RBPJ: variants seen among roughly 807,000 people sequenced by gnomAD.
RBPJ encodes recombination signal binding protein for immunoglobulin kappa J region.
Under a neutral mutation model 67.8 loss-of-function variants are expected in RBPJ, and 9 were observed. The ratio of observed to expected loss-of-function variants is 0.13; its 90% CI spans 0.08 to 0.23. The LOEUF is 0.23. RBPJ is among the 10% of genes least tolerant of loss of function. RBPJ has a pLI of 1.00. For missense variants in RBPJ, 305 were observed against 595.6 expected, an observed-to-expected ratio of 0.51 and a Z score of 5.08; for synonymous variants, 198 against 203.3, an observed-to-expected ratio of 0.97 and a Z score of 0.22.
At chr4:26,319,184 A>G (rs1284287477), upstream of RBPJ, among the ~76,000 whole-genome samples, 1 of 151,918 alleles carries the variant, frequency 6.6e-6, no homozygotes, top group Non-Finnish European at 1.5e-5. Flanking sequence ...ACGTTTTAGG[A>G]AAGTACCAGG....
chr4:26,222,124 C>T (rs970975293), intron 1 of RBPJ, among the ~76,000 whole-genome samples: 2 of 152,178 alleles, frequency 1.3e-5, no homozygotes, highest in African/African-American at 4.8e-5. Context: ...TATCTCAGGA[C>T]ATGTTGTAAA....
At chr4:26,390,562 C>T (rs145847860) in intron 2 of RBPJ, among the ~76,000 whole-genome samples, 316 of 152,216 alleles carry the variant, frequency 2.1e-3, no homozygotes, top group Non-Finnish European at 3.7e-3. Flanking sequence ...GATTAACATA[C>T]ACAACTAAAT....
the RBPJ span, among the ~76,000 whole-genome samples, chr4:26,136,265 G>A: frequency 6.6e-6 from 1 of 152,172 alleles, no homozygotes; most frequent in Non-Finnish European, 1.5e-5. Context: ...AATCCAGGGA[G>A]CTGAAAGAAT....
Position 26,193,212 on chromosome 4 carries a change from G to T in RBPJ, c.-167+29598G>T, listed in dbSNP as rs74410207. On this transcript the variant is annotated intron_variant, in intron 1 of 4. Coordinates refer to the RBPJ transcript ENST00000512351. The stretch of plus-strand genomic sequence containing the variant: ...GTTCCTTTAAGCCACAGAACTAATG[G>T]GAAGTTATCACAGTAGTAATAGGAA... 2.6e-5 allele frequency among the ~76,000 whole-genome samples: 4 copies of T among 152,312 alleles called. No homozygotes were observed. In the East Asian group the frequency reaches 7.7e-4, roughly 29 times the overall value.
At chr4:26,306,708 C>G (rs1254027635) in intron 1 of RBPJ, among the ~76,000 whole-genome samples, 6 of 151,886 alleles carry the variant, frequency 4.0e-5, no homozygotes, top group African/African-American at 1.2e-4. Flanking sequence ...TTCAGCCTCC[C>G]AAAGTGCTGG....
At chr4:26,119,312 T>C in the RBPJ span, among the ~76,000 whole-genome samples, 1 of 152,222 alleles carries the variant, frequency 6.6e-6, no homozygotes, top group East Asian at 1.9e-4. Context: ...ATCCATTATA[T>C]GCCCAGCTGT....
At chr4:26,155,203 C>T in the RBPJ span, among the ~76,000 whole-genome samples, 10 of 152,160 alleles carry the variant, frequency 6.6e-5, no homozygotes, top group Non-Finnish European at 1.3e-4. Context: ...TACATGAAAT[C>T]ATGAAAGAAA....
At chr4:26,391,432 A>G (rs1367402654) in intron 2 of RBPJ, among the ~76,000 whole-genome samples, 1 of 152,184 alleles carries the variant, frequency 6.6e-6, no homozygotes, top group Non-Finnish European at 1.5e-5. Context: ...ATTGTAGAAC[A>G]ATTGGATATC....
At chr4:26,259,410 A>C (rs1416794757) in intron 1 of RBPJ, among the ~76,000 whole-genome samples, 2 of 152,078 alleles carry the variant, frequency 1.3e-5, no homozygotes, top group Admixed American at 6.5e-5. Flanking sequence ...TGTCACCATG[A>C]CCTTTGCTCT....
chr4:26,323,716 A>C (rs1274111810), intron 1 of RBPJ, among the ~76,000 whole-genome samples: 1 of 152,116 alleles, frequency 6.6e-6, no homozygotes, highest in African/African-American at 2.4e-5. Context: ...GATTTCTATC[A>C]ATGTTTTTTT....
At position 26,210,744 on chromosome 4, in the gene RBPJ, C is replaced by CTTTCTTTCTTTCTTTCT. The variant is rs56940118; in HGVS notation, c.-167+47132_-167+47133insTCTTTCTTTCTTTCTTT. Among the ~76,000 whole-genome samples the CTTTCTTTCTTTCTTTCT allele has an allele frequency of 1.9e-4, 9 of 47,918 alleles. 1 individual carries two copies. Among genetic ancestry groups the CTTTCTTTCTTTCTTTCT allele is most frequent in the Non-Finnish European group, 3.2e-4 (8 of 24,812 alleles). The allele number at this position is 47,918 out of a possible 152,430, so 31.4% of individuals were successfully genotyped here. On this transcript the variant is annotated intron_variant, in intron 1 of 4. Transcript: ENST00000512351. ...CTTTCTTTCCTTCTTTACTTCTTTCCTTCTTTCCTTCTTTCTTTCTTTCTT... is the reference window on the plus strand; with the variant it reads ...CTTTCTTTCCTTCTTTACTTCTTTCCTTTCTTTCTTTCTTTCTTTCTTTCCTTCTTTCTTTCTTTCTT...
intron 1 of RBPJ, among the ~76,000 whole-genome samples, chr4:26,338,725 C>T (rs1725171018): frequency 6.6e-6 from 1 of 152,036 alleles, no homozygotes; most frequent in African/African-American, 2.4e-5. Flanking sequence ...CAGGTGCCTG[C>T]CACCCTGCCC....
At chr4:26,283,976 G>A (rs936022221) in intron 1 of RBPJ, among the ~76,000 whole-genome samples, 2 of 152,130 alleles carry the variant, frequency 1.3e-5, no homozygotes, top group Non-Finnish European at 2.9e-5. Context: ...GGTTTGGAAG[G>A]TGTCCAAAAG....
chr4:26,395,999 A>G (rs1732080688), intron 2 of RBPJ, among the ~76,000 whole-genome samples: 1 of 152,182 alleles, frequency 6.6e-6, no homozygotes, highest in Non-Finnish European at 1.5e-5. Context: ...TTTATGATTC[A>G]TCTCCTCACT....
At chr4:26,381,285 C>T (rs1303014568) in intron 1 of RBPJ, among the ~76,000 whole-genome samples, 2 of 151,850 alleles carry the variant, frequency 1.3e-5, no homozygotes. Context: ...AAAACAATAC[C>T]TCCTCTGTGA....
intron 1 of RBPJ, among the ~76,000 whole-genome samples, chr4:26,331,816 G>A (rs1724296315): frequency 6.6e-6 from 1 of 152,170 alleles, no homozygotes; most frequent in Admixed American, 6.5e-5. Context: ...TATGCCACCT[G>A]CAATAAATTG....
chr4:26,316,092 G>A (rs982117610), upstream of RBPJ, among the ~76,000 whole-genome samples: 2 of 152,048 alleles, frequency 1.3e-5, no homozygotes, highest in Non-Finnish European at 2.9e-5. Flanking sequence ...AGCTTATGAA[G>A]ATAACAGGAT....
At chr4:26,343,554 TG>T (rs998722207) in intron 1 of RBPJ, among the ~76,000 whole-genome samples, 25 of 150,944 alleles carry the variant, frequency 1.7e-4, no homozygotes, top group South Asian at 1.3e-3. Context: ...GTTTGTTTAT[TG>T]TTTTTTTTTT....
At chr4:26,215,408 GAA>G (rs1560214916) in intron 1 of RBPJ, among the ~76,000 whole-genome samples, 1 of 106,750 alleles carries the variant, frequency 9.4e-6, no homozygotes, top group East Asian at 2.5e-4. Flanking sequence ...GAAGGGGGGG[GAA>G]GGAAGGAAGG....
Sources: allele counts gnomAD v4.1 joint callset (sites outside exome capture counted in the v4.1 genomes callset), GRCh38; gene constraint gnomAD v4.1.1; transcripts MANE v1.5; gene names NCBI Gene and HGNC (gene_info 2026-07-23, HGNC 2026-07-21).